Variants in PRDM2 observed in about 807,000 individuals in gnomAD.
PRDM2 encodes PR domain zinc finger protein 2.
Under a neutral mutation model 130.0 loss-of-function variants are expected in PRDM2, and 30 were observed. The observed-to-expected ratio is 0.23, with a 90% CI of 0.17 to 0.31. The LOEUF is 0.31. Among genes scored for constraint, PRDM2 ranks in the 10% least tolerant of loss-of-function variants. PRDM2 has a pLI of 1.00. For synonymous variants in PRDM2, 871 were observed against 782.4 expected (o/e 1.11, Z -1.89); for missense variants, 2,011 against 2,108.4 (o/e 0.95, Z 0.90).
rs144881441 is a variant in PRDM2, at chr1:13,793,159, C to T, written c.5036+10328C>T. Among the ~76,000 whole-genome samples the T allele has an allele frequency of 1.3e-3, 195 of 152,338 alleles. 2 individuals carry two copies. The Middle Eastern group carries it at 0.017, about 13-fold the overall frequency. On this transcript the variant is annotated intron_variant, in intron 8 of 9. Coordinates refer to ENST00000311066, the MANE Select transcript of PRDM2 (RefSeq NM_001393986.1). The stretch of plus-strand genomic sequence containing the variant: ...CATCTAGGTGTTCCTTACCTGGGTG[C>T]TGTTAGTTACTGAGTGGCAGGGCAT...
intron 6 of PRDM2, among the ~76,000 whole-genome samples, chr1:13,749,905 C>T (rs542060690): frequency 6.6e-6 from 1 of 152,096 alleles, no homozygotes; most frequent in Non-Finnish European, 1.5e-5. Flanking sequence ...CTTGACAGCC[C>T]CGGCTCCGCA....
chr1:13,800,047 G>A (rs986657163), intron 8 of PRDM2, among the ~76,000 whole-genome samples: 5 of 152,198 alleles, frequency 3.3e-5, no homozygotes, highest in Non-Finnish European at 7.3e-5. Context: ...GTCCAGAAAG[G>A]CAGTGCAGAT....
chr1:13,734,735 CT>C (rs1643214868), intron 4 of PRDM2, among the ~76,000 whole-genome samples: 1 of 151,960 alleles, frequency 6.6e-6, no homozygotes, highest in South Asian at 2.1e-4. Flanking sequence ...TCAAGGGTGC[CT>C]TTTGTCTTCC....
intron 6 of PRDM2, among the ~76,000 whole-genome samples, chr1:13,754,369 A>G (rs931638234): frequency 6.6e-6 from 1 of 152,184 alleles, no homozygotes; most frequent in African/African-American, 2.4e-5. Context: ...CGCACAGGTC[A>G]GACTTAGTGG....
chr1:13,779,727 A>G lies in PRDM2; in HGVS notation c.1932A>G (p.Pro644=). The change falls in exon 8 of 10, where the codon CCA becomes CCG. Residue 644 remains proline, a synonymous_variant. Transcript: ENST00000311066. The surrounding 1 kb of genome is among the most constrained non-coding windows in gnomAD (Gnocchi z 4.9). The part of the protein sequence containing the change: ...SEAKKRRTAS[P]PALPKIKAET... ...CCAAGAAGCGGAGAACTGCGAGCCC[A>G]CCTGCACTGCCCAAAATTAAGGCCG... 1.9e-6 allele frequency: 3 copies of G among 1,614,172 alleles called. No individual in the cohort carries two copies. Among genetic ancestry groups the G allele is most frequent in the Non-Finnish European group, 2.5e-6 (3 of 1,180,034 alleles).
intron 6 of PRDM2, among the ~76,000 whole-genome samples, chr1:13,765,569 G>A (rs1287023258): frequency 6.6e-6 from 1 of 151,974 alleles, no homozygotes; most frequent in African/African-American, 2.4e-5. Flanking sequence ...GGGTTCAAGC[G>A]ATTATCCTGT....
At chr1:13,764,986 T>C (rs780550956) in intron 6 of PRDM2, among the ~76,000 whole-genome samples, 7 of 152,240 alleles carry the variant, frequency 4.6e-5, no homozygotes, top group Non-Finnish European at 1.0e-4. Flanking sequence ...AAGGAAACTA[T>C]AGAAAATGCA....
intron 8 of PRDM2, among the ~76,000 whole-genome samples, chr1:13,813,552 TCA>T (rs1645209195): frequency 1.3e-5 from 2 of 152,210 alleles, no homozygotes; most frequent in Admixed American, 6.5e-5. Flanking sequence ...CGTCTGAGCC[TCA>T]GTTTTCTCAT....
intron 8 of PRDM2, chr1:13,786,382 A>G: frequency 8.1e-7 from 1 of 1,241,024 alleles, no homozygotes; most frequent in Non-Finnish European, 1.1e-6. Context: ...TCGTTCCTAA[A>G]TGCCTTCAGT....
chr1:13,779,035 G>A lies in PRDM2; in HGVS notation c.1240G>A (p.Ala414Thr), dbSNP rs771964752. 34 of 1,614,036 alleles carry A rather than the reference G, an allele frequency of 2.1e-5. No homozygotes were observed. Among genetic ancestry groups the A allele is most frequent in the Middle Eastern group, 3.3e-4 (2 of 6,084 alleles). ...GCGGCGACATGAGCGGCGCCATGAAGCAGGGTTAAAGCGGAAACCCAGCCA... is the reference window on the plus strand; with the variant it reads ...GCGGCGACATGAGCGGCGCCATGAAACAGGGTTAAAGCGGAAACCCAGCCA... ...NRRRHERRHE[A>T]GLKRKPSQTL... is the part of the protein sequence containing the mutation. The change falls in exon 8 of 10, where the codon GCA becomes ACA. Residue 414 changes from alanine to threonine, a missense_variant. Ala to Thr is a moderately conservative substitution (Grantham distance 58, BLOSUM62 0). This residue lies in a region of PRDM2 where 1,288 missense variants were observed against 1,237.7 expected (regional missense o/e 1.04). Coordinates refer to ENST00000311066, the MANE Select transcript of PRDM2 (RefSeq NM_001393986.1). The surrounding 1 kb of genome is among the most constrained non-coding windows in gnomAD (Gnocchi z 4.9).
intron 8 of PRDM2, among the ~76,000 whole-genome samples, chr1:13,793,141 G>A (rs930573794): frequency 1.3e-5 from 2 of 152,224 alleles, no homozygotes; most frequent in African/African-American, 4.8e-5. Flanking sequence ...TCCCATCTAG[G>A]TGTTCCTTAC....
At chr1:13,775,446 A>G (rs1220487704) in intron 7 of PRDM2, among the ~76,000 whole-genome samples, 3 of 152,164 alleles carry the variant, frequency 2.0e-5, no homozygotes, top group Non-Finnish European at 4.4e-5. Context: ...GGTAGCTCCT[A>G]ATTTGAAATA....
chr1:13,814,021 C>T (rs917793339), intron 8 of PRDM2, among the ~76,000 whole-genome samples: 2 of 152,214 alleles, frequency 1.3e-5, no homozygotes, highest in Admixed American at 6.5e-5. Context: ...TTCTGCTGGT[C>T]TTGCTACACC....
Position 13,797,668 on chromosome 1 carries a change from A to G in PRDM2, c.5036+14837A>G, listed in dbSNP as rs533372312. 2.0e-5 allele frequency among the ~76,000 whole-genome samples: 3 copies of G among 152,212 alleles called. No individual in the cohort carries two copies. In the South Asian group the frequency reaches 6.2e-4, roughly 32 times the overall value. On this transcript the variant is annotated intron_variant, in intron 8 of 9. Coordinates refer to ENST00000311066, the MANE Select transcript of PRDM2 (RefSeq NM_001393986.1). ...TCCTGTCTGTGTTCCTGGGTGTGTG[A>G]TGGGGCCCTAGTTTGGATCATCTCC...
intron 7 of PRDM2, 33 bp from the exon 8 acceptor site, chr1:13,778,385 A>C: frequency 1.9e-6 from 3 of 1,544,674 alleles, no homozygotes; most frequent in Non-Finnish European, 2.6e-6. Context: ...CCCATGCTTC[A>C]CTTCCATGCT....
At chr1:13,766,833 A>G (rs1644237905) in intron 6 of PRDM2, among the ~76,000 whole-genome samples, 1 of 152,218 alleles carries the variant, frequency 6.6e-6, no homozygotes, top group Admixed American at 6.5e-5. Context: ...CACCAAATGC[A>G]TGAGCCTTCA....
intron 4 of PRDM2, among the ~76,000 whole-genome samples, chr1:13,737,400 A>C (rs545595962): frequency 6.6e-6 from 1 of 152,226 alleles, no homozygotes; most frequent in African/African-American, 2.4e-5. Flanking sequence ...TTTGCCCCAT[A>C]ATCACAGAGT....
At chr1:13,809,688 C>T (rs1025672818) in intron 8 of PRDM2, among the ~76,000 whole-genome samples, 7 of 152,174 alleles carry the variant, frequency 4.6e-5, no homozygotes, top group Non-Finnish European at 5.9e-5. Context: ...GCCAAAGCCA[C>T]GGATGCATCG....
intron 6 of PRDM2, among the ~76,000 whole-genome samples, chr1:13,768,572 G>A (rs140711813): frequency 6.6e-6 from 1 of 151,800 alleles, no homozygotes; most frequent in Non-Finnish European, 1.5e-5. Flanking sequence ...TAGAGATGGG[G>A]TTTCACCCAC....
Sources: gnomAD v4.1 joint callset for allele counts (sites outside exome capture counted in the v4.1 genomes callset) on GRCh38, gnomAD v4.1.1 for gene constraint, gnomAD v4.1.1 regional missense constraint, Gnocchi (gnomAD v3.1) non-coding constraint, MANE v1.5 for transcripts, NCBI Gene and HGNC (gene_info 2026-07-23, HGNC 2026-07-21) for gene names.